PROM1: variants seen among roughly 807,000 people sequenced by gnomAD.
PROM1 encodes the protein prominin 1.
Under a neutral mutation model 116.9 loss-of-function variants are expected in PROM1, and 105 were observed. The ratio of observed to expected loss-of-function variants is 0.90; its 90% CI spans 0.77 to 1.06. The LOEUF is 1.06. PROM1 is among the 50% of genes least tolerant of loss of function. The pLI is 0.00. For missense variants in PROM1, 1,122 were observed against 1,045.2 expected (o/e 1.07, Z -1.01); for synonymous variants, 393 against 387.0 (o/e 1.02, Z -0.18).
intron 2 of PROM1, among the ~76,000 whole-genome samples, chr4:16,055,703 G>T (rs1422462572): frequency 6.6e-6 from 1 of 152,136 alleles, no homozygotes; most frequent in African/African-American, 2.4e-5. Flanking sequence ...AACCTTGACG[G>T]TAATGAGAAA....
rs1727381066 is a variant in PROM1 at position 16,013,265 on chromosome 4, T to C, written c.1141+10A>G. 1 of 1,595,906 alleles carries C rather than the reference T, an allele frequency of 6.3e-7. No homozygotes were observed. Among genetic ancestry groups the C allele is most frequent in the East Asian group, 2.2e-5 (1 of 44,808 alleles). On this transcript the variant is annotated intron_variant, in intron 11 of 27. Transcript: ENST00000447510. ...CCAATCACAAAATCACCTCAAACTG[T>C]GAATCTCACCTGCTACGACAGTCGT... is the stretch of plus-strand genomic sequence containing the variant.
chr4:16,083,408 C>T lies in PROM1; in HGVS notation c.-213+570G>A, dbSNP rs930494582. The T allele has an allele frequency of 1.4e-4, 21 of 151,740 alleles. 1 individual carries two copies. Among genetic ancestry groups the T allele is most frequent in the Admixed American group, 1.2e-3 (19 of 15,234 alleles). 9.4% of individuals were successfully genotyped at this position (151,740 alleles called of 1,614,324 possible). ...GGGGCGTCGCGGGCCACCACTCAGA[C>T]TAAAAAGTTTGGGTTGGACGGGCAC... On this transcript the variant is annotated intron_variant, in intron 1 of 27. Coordinates refer to ENST00000447510, the MANE Select transcript of PROM1 (RefSeq NM_006017.3).
intron 2 of PROM1, among the ~76,000 whole-genome samples, chr4:16,073,580 T>C (rs1743295463): frequency 6.6e-6 from 1 of 152,188 alleles, no homozygotes; most frequent in African/African-American, 2.4e-5. Flanking sequence ...CTCAATATTA[T>C]ATTACTTAAG....
Position 15,994,089 on chromosome 4 carries a change from G to T in PROM1, c.1683-18C>A, listed in dbSNP as rs750658460. 6.2e-7 allele frequency: 1 copy of T among 1,613,488 alleles called. No homozygotes were observed. Among genetic ancestry groups the T allele is most frequent in the African/African-American group, 1.3e-5 (1 of 74,928 alleles). ...TGCAGTCACTGTGGGAATGAACAGA[G>T]AAATTAGGACCTAGAAAAGCTGTTG... On this transcript the variant is annotated intron_variant, in intron 15 of 27. Coordinates refer to ENST00000447510, the MANE Select transcript of PROM1 (RefSeq NM_006017.3).
chr4:15,986,149 A>G (rs1286316058), intron 20 of PROM1, 112 bp from the exon 21 acceptor site: 1 of 722,346 alleles, frequency 1.4e-6, no homozygotes, highest in East Asian at 2.8e-5. Context: ...CACGACCTGG[A>G]CCTGCTAGTT....
At chr4:16,064,907 G>C (rs888541255) in intron 2 of PROM1, among the ~76,000 whole-genome samples, 2 of 152,030 alleles carry the variant, frequency 1.3e-5, no homozygotes, top group African/African-American at 4.8e-5. Flanking sequence ...AAAAAGAAAA[G>C]AAAAGAAAAT....
intron 4 of PROM1, among the ~76,000 whole-genome samples, chr4:16,034,778 C>T (rs1223085538): frequency 6.6e-6 from 1 of 152,178 alleles, no homozygotes; most frequent in African/African-American, 2.4e-5. Context: ...GAGTCTTGTT[C>T]CTGGGAGCAA....
At chr4:16,032,462 G>C (rs910901166) in intron 5 of PROM1, among the ~76,000 whole-genome samples, 1 of 152,176 alleles carries the variant, frequency 6.6e-6, no homozygotes, top group African/African-American at 2.4e-5. Flanking sequence ...CGGCTACTGA[G>C]CACGTGTGGT....
chr4:16,075,351 T>C (rs1290031973), intron 2 of PROM1, among the ~76,000 whole-genome samples: 1 of 152,230 alleles, frequency 6.6e-6, no homozygotes, highest in African/African-American at 2.4e-5. Flanking sequence ...ATTTGCATTT[T>C]TACCCTAACT....
rs1401440131 is a variant in PROM1, at chr4:16,025,264, C to T, written c.558G>A (p.Arg186=). ...GFVANHQVRT[R]IKRSRKLADS... is the part of the protein sequence containing the mutation. ...CTGCCAGTTTCCGACTCCTTTTGAT[C>T]CGGGTTCTTACCTGGTGATTTGCCA... is the stretch of plus-strand genomic sequence containing the variant. Residue 186 remains arginine (R), a synonymous_variant, in exon 6 of 28, where the codon CGG becomes CGA. Coordinates refer to ENST00000447510, the MANE Select transcript of PROM1 (RefSeq NM_006017.3). 6.2e-7 allele frequency: 1 copy of T among 1,613,918 alleles called. No homozygotes were observed. Among genetic ancestry groups the T allele is most frequent in the Admixed American group, 1.7e-5 (1 of 60,024 alleles).
intron 11 of PROM1, among the ~76,000 whole-genome samples, chr4:16,011,600 T>G (rs1417288809): frequency 6.6e-6 from 1 of 152,190 alleles, no homozygotes; most frequent in Non-Finnish European, 1.5e-5. Flanking sequence ...GCTGCATGTA[T>G]GGGCAGGAGA....
chr4:16,032,696 T>TTC (rs1733000096), intron 5 of PROM1, among the ~76,000 whole-genome samples: 1 of 152,170 alleles, frequency 6.6e-6, no homozygotes, highest in Admixed American at 6.5e-5. Flanking sequence ...AGCAATGTAT[T>TTC]TCTGATCTGC....
At chr4:15,971,364 C>T (rs997349870) in intron 26 of PROM1, 2 of 377,282 alleles carry the variant, frequency 5.3e-6, no homozygotes, top group Non-Finnish European at 9.7e-6. Context: ...TTAAGAGTCA[C>T]TAAGAATACG....
chr4:16,001,062 G>A lies in PROM1; in HGVS notation c.1455-443C>T, dbSNP rs368054953. Among the ~76,000 whole-genome samples, 254 of 152,358 alleles carry A rather than the reference G, an allele frequency of 1.7e-3. 1 individual carries two copies. Among genetic ancestry groups the A allele is most frequent in the South Asian group, 0.011 (51 of 4,828 alleles). The stretch of plus-strand genomic sequence containing the variant: ...AAGGATAGACTGGACAGGTGCCAAC[G>A]TGGATGGGACATCATTGCAGAGGCT... On this transcript the variant is annotated intron_variant, in intron 13 of 27. Coordinates refer to ENST00000447510, the MANE Select transcript of PROM1 (RefSeq NM_006017.3).
intron 7 of PROM1, 93 bp downstream of exon 7, chr4:16,024,201 CA>C: frequency 1.8e-6 from 2 of 1,134,646 alleles, no homozygotes; most frequent in Non-Finnish European, 2.6e-6. Flanking sequence ...TGTCTTCCCC[CA>C]ACTTTCACGT....
Position 16,055,237 on chromosome 4 carries a change from C to T in PROM1, c.221-16236G>A, listed in dbSNP as rs539517344. On this transcript the variant is annotated intron_variant, in intron 2 of 27. Coordinates refer to ENST00000447510, the MANE Select transcript of PROM1 (RefSeq NM_006017.3). ...AAATGTGGATTCATAATCACAGTAC[C>T]ATTCTTGATAAATTAGGCTGGTCAT... 1.1e-5 allele frequency: 4 copies of T among 349,708 alleles called. No individual in the cohort carries two copies. In the East Asian group the frequency reaches 3.0e-4, roughly 26 times the overall value. 21.7% of individuals were successfully genotyped at this position (349,708 alleles called of 1,614,324 possible).
chr4:15,992,633 T>A (rs1721363887), intron 16 of PROM1, among the ~76,000 whole-genome samples: 1 of 152,018 alleles, frequency 6.6e-6, no homozygotes, highest in Non-Finnish European at 1.5e-5. Context: ...AAATAAAAAA[T>A]AAACAGCAAT....
chr4:16,026,242 A>T (rs971178416), intron 5 of PROM1, among the ~76,000 whole-genome samples: 2 of 152,152 alleles, frequency 1.3e-5, no homozygotes, highest in African/African-American at 4.8e-5. Context: ...CTTACTGTTG[A>T]CTAGTTACTA....
At chr4:16,020,880 C>G (rs1729680161) in intron 8 of PROM1, among the ~76,000 whole-genome samples, 1 of 152,114 alleles carries the variant, frequency 6.6e-6, no homozygotes, top group Admixed American at 6.5e-5. Flanking sequence ...GGAAGTCAGT[C>G]CAGGCCCACC....
Sources: gnomAD v4.1 joint callset for allele counts (sites outside exome capture counted in the v4.1 genomes callset) on GRCh38, gnomAD v4.1.1 for gene constraint, MANE v1.5 for transcripts, NCBI Gene and HGNC (gene_info 2026-07-23, HGNC 2026-07-21) for gene names.